The following GLT8D2 variants were observed in gnomAD, a reference collection of about 807,000 sequenced individuals.
The protein encoded by GLT8D2 is glycosyltransferase 8 domain containing 2.
Under a neutral mutation model 44.5 loss-of-function variants are expected in GLT8D2, and 45 were observed. The observed-to-expected ratio is 1.01, with a 90% confidence interval of 0.80 to 1.30. The LOEUF is 1.30. GLT8D2 is among the 50% of genes most tolerant of loss of function. The pLI is 0.00. For synonymous variants in GLT8D2, 156 were observed against 157.2 expected, an observed-to-expected ratio of 0.99 and a Z score of 0.06; for missense variants, 400 against 430.4, an observed-to-expected ratio of 0.93 and a Z score of 0.62.
intron 1 of GLT8D2, among the ~76,000 whole-genome samples, chr12:104,029,462 T>A (rs1593557426): frequency 6.6e-6 from 1 of 152,140 alleles, no homozygotes; most frequent in Non-Finnish European, 1.5e-5. Flanking sequence ...GACACATACA[T>A]TAATTTAGGG....
At chr12:104,054,704 T>C (rs1882023830), upstream of GLT8D2, among the ~76,000 whole-genome samples, 1 of 152,068 alleles carries the variant, frequency 6.6e-6, no homozygotes. Context: ...ACATCTGCTG[T>C]CTAGTACTTC....
intron 4 of GLT8D2, chr12:104,012,716 C>T (rs1407330162): frequency 1.7e-5 from 11 of 658,120 alleles, no homozygotes; most frequent in African/African-American, 3.6e-5. Flanking sequence ...CGTTTGTTAA[C>T]GTCTTAGCTT....
At chr12:104,000,017 C>T (rs1873991985) in intron 5 of GLT8D2, among the ~76,000 whole-genome samples, 1 of 152,046 alleles carries the variant, frequency 6.6e-6, no homozygotes, top group African/African-American at 2.4e-5. Flanking sequence ...TGTCTTCGTT[C>T]CCCTTCTTCT....
chr12:104,000,238 G>A (rs1042977207), intron 5 of GLT8D2, among the ~76,000 whole-genome samples: 3 of 151,872 alleles, frequency 2.0e-5, no homozygotes, highest in African/African-American at 7.3e-5. Flanking sequence ...AAAATAATTG[G>A]TCATATCAAT....
At chr12:104,038,123 T>C (rs1228217732) in intron 1 of GLT8D2, among the ~76,000 whole-genome samples, 1 of 152,156 alleles carries the variant, frequency 6.6e-6, no homozygotes, top group Non-Finnish European at 1.5e-5. Context: ...CTCAATAAAC[T>C]AGGTACTGAT....
At chr12:104,030,713 T>G in intron 1 of GLT8D2, 1 of 1,609,288 alleles carries the variant, frequency 6.2e-7, no homozygotes, top group African/African-American at 1.3e-5. Context: ...TAACTTGATT[T>G]AAAAATAGGC....
chr12:103,996,866 C>A lies in GLT8D2; in HGVS notation c.488-19G>T. The A allele has an allele frequency of 6.5e-7, 1 of 1,543,080 alleles. No homozygotes were observed. The highest frequency in any genetic ancestry group is 8.9e-7 in the Non-Finnish European group (1 of 1,118,570). ...ATATCACCTGAATTTAGAAACACCACCAAGTAAAACATTATAGCATTTGTT... is the reference window on the plus strand; with the variant it reads ...ATATCACCTGAATTTAGAAACACCAACAAGTAAAACATTATAGCATTTGTT... On this transcript the variant is annotated intron_variant, in intron 7 of 10. Transcript: ENST00000360814.
At chr12:103,990,078 AATATATATATAT>A (rs57178471) in intron 10 of GLT8D2, among the ~76,000 whole-genome samples, 1,232 of 122,150 alleles carry the variant, frequency 0.01, 7 homozygotes, top group Non-Finnish European at 0.014. Context: ...TATGTGTACA[AATATATATATAT>A]ATATATATAT....
At chr12:104,008,649 G>A (rs1188275028) in intron 4 of GLT8D2, among the ~76,000 whole-genome samples, 3 of 152,232 alleles carry the variant, frequency 2.0e-5, no homozygotes, top group African/African-American at 7.2e-5. Context: ...AGACAATGGG[G>A]AAAATGTCTC....
At chr12:104,060,426 T>A (rs1882543647) in intron 1 of GLT8D2, among the ~76,000 whole-genome samples, 4 of 152,242 alleles carry the variant, frequency 2.6e-5, no homozygotes, top group Admixed American at 2.6e-4. Flanking sequence ...TACTCAAAAC[T>A]GCTCTACTAA....
intron 1 of GLT8D2, among the ~76,000 whole-genome samples, chr12:104,040,481 A>G (rs995610849): frequency 6.6e-6 from 1 of 152,146 alleles, no homozygotes; most frequent in Non-Finnish European, 1.5e-5. Flanking sequence ...GCTGGAGTGC[A>G]GTCGCTTGAT....
chr12:104,031,036 C>A, intron 1 of GLT8D2: 1 of 1,094,348 alleles, frequency 9.1e-7, no homozygotes, highest in South Asian at 1.4e-5. Context: ...GGACTTGGCG[C>A]CTCAATGAGC....
rs1288877252 is a variant in GLT8D2 at position 103,996,859 on chromosome 12, A to C, written c.488-12T>G. On this transcript the variant is annotated splice_polypyrimidine_tract_variant and intron_variant, in intron 7 of 10. Transcript: ENST00000360814. ...TTCTTGGATATCACCTGAATTTAGA[A>C]ACACCACCAAGTAAAACATTATAGC... 6.3e-7 allele frequency: 1 copy of C among 1,575,246 alleles called. No homozygotes were observed. The highest frequency in any genetic ancestry group is 2.2e-5 in the East Asian group (1 of 44,682).
chr12:103,998,797 T>C (rs1873827609), intron 6 of GLT8D2, among the ~76,000 whole-genome samples: 1 of 152,142 alleles, frequency 6.6e-6, no homozygotes, highest in South Asian at 2.1e-4. Context: ...TCCTCCCCGC[T>C]CAGCCTCCCA....
intron 1 of GLT8D2, among the ~76,000 whole-genome samples, chr12:104,060,862 G>A (rs1566218921): frequency 6.6e-6 from 1 of 152,026 alleles, no homozygotes; most frequent in Non-Finnish European, 1.5e-5. Flanking sequence ...GGTGGAGGCT[G>A]CAGCAAGCTG....
chr12:104,013,401 G>A (rs977092362), intron 4 of GLT8D2, among the ~76,000 whole-genome samples: 3 of 151,768 alleles, frequency 2.0e-5, no homozygotes, highest in Admixed American at 6.6e-5. Context: ...TTTTACTGTC[G>A]AAAAGTATTT....
At chr12:104,062,900 C>A (rs1882796592) in intron 1 of GLT8D2, among the ~76,000 whole-genome samples, 1 of 152,172 alleles carries the variant, frequency 6.6e-6, no homozygotes, top group South Asian at 2.1e-4. Flanking sequence ...CTGTTCGGAA[C>A]CCCCATGACC....
intron 4 of GLT8D2, among the ~76,000 whole-genome samples, chr12:104,012,063 C>T (rs1022657919): frequency 2.7e-5 from 4 of 149,918 alleles, no homozygotes; most frequent in African/African-American, 4.9e-5. Context: ...CCCAGCCACT[C>T]GGGAGGCTGA....
chr12:104,055,605 CT>C (rs1261124552), intron 1 of GLT8D2, among the ~76,000 whole-genome samples: 1 of 152,204 alleles, frequency 6.6e-6, no homozygotes, highest in Non-Finnish European at 1.5e-5. Flanking sequence ...TGTGGTATCA[CT>C]TGTCAACAAA....
Sources: allele counts gnomAD v4.1 joint callset (sites outside exome capture counted in the v4.1 genomes callset), GRCh38; gene constraint gnomAD v4.1.1; transcripts MANE v1.5; gene names NCBI Gene and HGNC (gene_info 2026-07-23, HGNC 2026-07-21).